The following HIP1 variants were observed in gnomAD, a reference collection of about 807,000 sequenced individuals.
HIP1 encodes huntingtin-interacting protein 1.
Under a neutral mutation model 147.6 loss-of-function variants are expected in HIP1, and 65 were observed. That is an observed-to-expected ratio of 0.44 (90% CI 0.36 to 0.54). The LOEUF (loss-of-function observed/expected upper bound fraction) is 0.54, where lower values mean the gene tolerates loss of function less well. Ranked by LOEUF, HIP1 falls within the 20% of genes least tolerant of loss-of-function variation. HIP1 has a pLI of 0.00. For synonymous variants in HIP1, 479 were observed against 504.0 expected (o/e 0.95, Z 0.67); for missense variants, 1,061 against 1,299.6 (o/e 0.82, Z 2.82).
intron 1 of HIP1, among the ~76,000 whole-genome samples, chr7:75,706,412 C>T (rs1453878112): frequency 6.7e-6 from 1 of 150,194 alleles, no homozygotes; most frequent in Non-Finnish European, 1.5e-5. Flanking sequence ...TTTGCATTTT[C>T]CTAATGATTA....
intron 1 of HIP1, among the ~76,000 whole-genome samples, chr7:75,679,235 C>T (rs535587545): frequency 6.6e-6 from 1 of 152,172 alleles, no homozygotes; most frequent in Non-Finnish European, 1.5e-5. Flanking sequence ...GATGAGGTCT[C>T]GCCGTATCAC....
intron 1 of HIP1, among the ~76,000 whole-genome samples, chr7:75,664,377 T>TATGC (rs1799477309): frequency 1.6e-5 from 1 of 63,732 alleles, no homozygotes; most frequent in Admixed American, 2.0e-4. Context: ...TACACATACA[T>TATGC]ATGTGTATGT....
chr7:75,577,836 C>T (rs1795899760), intron 7 of HIP1, among the ~76,000 whole-genome samples: 1 of 152,100 alleles, frequency 6.6e-6, no homozygotes, highest in Non-Finnish European at 1.5e-5. Flanking sequence ...CCTGTCTCTA[C>T]TAAAAGTACA....
chr7:75,545,975 C>A (rs1413559492), intron 25 of HIP1, among the ~76,000 whole-genome samples: 3 of 152,000 alleles, frequency 2.0e-5, no homozygotes, highest in Admixed American at 6.6e-5. Context: ...AAACCCAAAA[C>A]AACAAAACAA....
At chr7:75,545,980 AAAC>A (rs1472042032) in intron 25 of HIP1, among the ~76,000 whole-genome samples, 2 of 152,110 alleles carry the variant, frequency 1.3e-5, no homozygotes, top group Admixed American at 1.3e-4. Flanking sequence ...CAAAACAACA[AAAC>A]AACAAACAAA....
At chr7:75,676,445 A>T (rs572047907) in intron 1 of HIP1, among the ~76,000 whole-genome samples, 10 of 152,268 alleles carry the variant, frequency 6.6e-5, no homozygotes, top group African/African-American at 2.4e-4. Flanking sequence ...ACACACGCAC[A>T]TGGCCATCTG....
chr7:75,557,307 G>T (rs1432654834), intron 16 of HIP1, among the ~76,000 whole-genome samples: 1 of 151,848 alleles, frequency 6.6e-6, no homozygotes, highest in African/African-American at 2.4e-5. Flanking sequence ...CCAAAGTCCT[G>T]GGATTACTGC....
At chr7:75,603,749 T>C (rs782109393) in intron 1 of HIP1, among the ~76,000 whole-genome samples, 8 of 151,980 alleles carry the variant, frequency 5.3e-5, no homozygotes, top group Non-Finnish European at 1.0e-4. Context: ...GGTGCACAAC[T>C]GTAGTCCCAG....
chr7:75,632,513 G>A (rs1368911752), intron 1 of HIP1, among the ~76,000 whole-genome samples: 7 of 151,640 alleles, frequency 4.6e-5, no homozygotes, highest in South Asian at 4.2e-4. Flanking sequence ...TCAGCCTCCC[G>A]AGTAGCTGAG....
At chr7:75,737,638 G>T (rs1563322065) in intron 1 of HIP1, among the ~76,000 whole-genome samples, 1 of 152,140 alleles carries the variant, frequency 6.6e-6, no homozygotes, top group Non-Finnish European at 1.5e-5. Context: ...GAGGTACCGC[G>T]CCCGGCCAAA....
chr7:75,657,106 T>C lies in HIP1; in HGVS notation c.121-57859A>G, dbSNP rs527760105. 7.2e-5 allele frequency among the ~76,000 whole-genome samples: 11 copies of C among 152,340 alleles called. 1 individual carries two copies. The highest frequency in any genetic ancestry group is 2.6e-4 in the African/African-American group (11 of 41,586). ...TAAATCGTTCTACCGAAAAGACATA[T>C]GCACATGTATGTTTATTGCAGCACC... On this transcript the variant is annotated intron_variant, in intron 1 of 30. Transcript: ENST00000336926.
chr7:75,679,101 A>ACC (rs34149021), intron 1 of HIP1, among the ~76,000 whole-genome samples: 5 of 151,872 alleles, frequency 3.3e-5, no homozygotes, highest in South Asian at 2.1e-4. Flanking sequence ...TCCAGCTATG[A>ACC]CCCCCCTTCT....
intron 1 of HIP1, among the ~76,000 whole-genome samples, chr7:75,695,271 C>CA (rs1554518640): frequency 6.6e-6 from 1 of 151,980 alleles, no homozygotes; most frequent in Non-Finnish European, 1.5e-5. Context: ...ATTGTGCAGG[C>CA]TTTTTTTTCT....
At chr7:75,583,449 C>A (rs1241866548) in intron 5 of HIP1, among the ~76,000 whole-genome samples, 1 of 152,062 alleles carries the variant, frequency 6.6e-6, no homozygotes, top group African/African-American at 2.4e-5. Context: ...GTGGCTTAAC[C>A]CATAGAGAGT....
chr7:75,533,896 A>G lies in HIP1; in HGVS notation c.*4276T>C, dbSNP rs77222108. On this transcript the variant is annotated 3_prime_UTR_variant, in exon 31 of 31. Transcript: ENST00000336926. ...TGGTTTTCTATGCTACAGGTGGTGC[A>G]GTCTCTGGAGGACAAGGATGGCAGA... 4.0e-3 allele frequency: 936 copies of G among 234,252 alleles called. 10 individuals are homozygous for G. The highest frequency in any genetic ancestry group is 0.018 in the African/African-American group (808 of 45,456). 14.5% of individuals were successfully genotyped at this position (234,252 alleles called of 1,614,324 possible). A position where few individuals can be genotyped will look rare whatever the true frequency, so the allele number is the denominator to read the frequency against.
chr7:75,611,475 A>AAG (rs1554504938), intron 1 of HIP1, among the ~76,000 whole-genome samples: 1 of 151,506 alleles, frequency 6.6e-6, no homozygotes, highest in African/African-American at 2.4e-5. Context: ...TCAAAAAAAA[A>AAG]AAAAAAGAAA....
intron 7 of HIP1, among the ~76,000 whole-genome samples, chr7:75,575,473 C>A (rs910690274): frequency 4.6e-5 from 7 of 151,948 alleles, no homozygotes; most frequent in African/African-American, 1.7e-4. Flanking sequence ...AGAAACCAAA[C>A]CAAAACAAAA....
Position 75,593,629 on chromosome 7 carries a change from CAA to C in HIP1, c.185-1117_185-1116del, listed in dbSNP as rs34062007. Among the ~76,000 whole-genome samples, 190 of 72,238 alleles carry C rather than the reference CAA, an allele frequency of 2.6e-3. 1 individual carries two copies. The highest frequency in any genetic ancestry group is 0.01 in the African/African-American group (182 of 18,108). 47.4% of individuals were successfully genotyped at this position (72,238 alleles called of 152,430 possible). A position where few individuals can be genotyped will look rare whatever the true frequency, so the allele number is the denominator to read the frequency against. On this transcript the variant is annotated intron_variant, in intron 2 of 30. Coordinates refer to ENST00000336926, the MANE Select transcript of HIP1 (RefSeq NM_005338.7). ...TGGGTGACAGAGCAAGACTCCATCT[CAA>C]AAAAAAAAAAAAAAAAAAAGTGAGA...
intron 1 of HIP1, among the ~76,000 whole-genome samples, chr7:75,624,223 C>T (rs1248595167): frequency 6.6e-6 from 1 of 152,184 alleles, no homozygotes; most frequent in Non-Finnish European, 1.5e-5. Flanking sequence ...TGGATACTCC[C>T]TGCTCTGGAC....
Sources: allele counts gnomAD v4.1 joint callset (sites outside exome capture counted in the v4.1 genomes callset), GRCh38; gene constraint gnomAD v4.1.1; transcripts MANE v1.5; gene names NCBI Gene and HGNC (gene_info 2026-07-23, HGNC 2026-07-21).